The following SLC12A1 variants were observed in gnomAD, a reference collection of about 807,000 sequenced individuals.
SLC12A1 encodes the protein Na-K-2Cl cotransporter.
Under a neutral mutation model 130.4 loss-of-function variants are expected in SLC12A1, and 89 were observed. The observed-to-expected ratio is 0.68, with a 90% CI of 0.58 to 0.81. The LOEUF is 0.81. SLC12A1 is among the 40% of genes least tolerant of loss of function. The probability of loss-of-function intolerance (pLI) is 0.00; values close to 1 mark genes in which losing one functional copy is unlikely to be tolerated. For synonymous variants in SLC12A1, 499 were observed against 460.0 expected (o/e 1.08, Z -1.09); for missense variants, 1,310 against 1,336.4 (o/e 0.98, Z 0.31).
At chr15:48,234,492 C>CA (rs1418665673) in intron 8 of SLC12A1, among the ~76,000 whole-genome samples, 1 of 152,138 alleles carries the variant, frequency 6.6e-6, no homozygotes, top group Non-Finnish European at 1.5e-5. Context: ...CCTGTAATCC[C>CA]AGCCCTTTGG....
intron 2 of SLC12A1, among the ~76,000 whole-genome samples, chr15:48,215,170 A>G (rs1386537915): frequency 6.6e-6 from 1 of 152,180 alleles, no homozygotes; most frequent in Non-Finnish European, 1.5e-5. Flanking sequence ...CTATAAAGGT[A>G]TCTGATATGT....
chr15:48,255,113 C>A (rs1240626046), intron 15 of SLC12A1, among the ~76,000 whole-genome samples: 4 of 152,010 alleles, frequency 2.6e-5, no homozygotes, highest in Non-Finnish European at 2.9e-5. Context: ...TGCACACTAT[C>A]TGTGTATACA....
At chr15:48,282,819 A>T (rs2042021611) in intron 20 of SLC12A1, among the ~76,000 whole-genome samples, 1 of 152,116 alleles carries the variant, frequency 6.6e-6, no homozygotes, top group South Asian at 2.1e-4. Flanking sequence ...AAAGCATAGG[A>T]AGGTAATAAA....
At chr15:48,264,765 C>A (rs960855002) in intron 17 of SLC12A1, among the ~76,000 whole-genome samples, 15 of 152,142 alleles carry the variant, frequency 9.9e-5, no homozygotes, top group Non-Finnish European at 1.8e-4. Context: ...AGGAATACTG[C>A]ACTTGGTGAA....
chr15:48,223,013 G>A (rs2041235011), intron 4 of SLC12A1: 1 of 152,222 alleles, frequency 6.6e-6, no homozygotes, highest in African/African-American at 2.4e-5. Context: ...GGGCAAGATG[G>A]TTTCCAATAA....
chr15:48,260,492 C>T (rs1423395319), intron 17 of SLC12A1, among the ~76,000 whole-genome samples: 1 of 152,062 alleles, frequency 6.6e-6, no homozygotes, highest in Non-Finnish European at 1.5e-5. Flanking sequence ...TTATTGGAGC[C>T]ACACAATAGC....
chr15:48,270,357 A>C (rs1271057186), intron 19 of SLC12A1, among the ~76,000 whole-genome samples: 1 of 152,102 alleles, frequency 6.6e-6, no homozygotes, highest in Non-Finnish European at 1.5e-5. Context: ...GCTGCAGGCT[A>C]ATGTCTTTAA....
At chr15:48,249,505 G>A (rs2041623272) in intron 13 of SLC12A1, 70 bp from the exon 14 acceptor site, 1 of 1,125,434 alleles carries the variant, frequency 8.9e-7, no homozygotes, top group Non-Finnish European at 1.4e-6. Flanking sequence ...CAAGCTTCGA[G>A]GCTATAACAG....
intron 9 of SLC12A1, among the ~76,000 whole-genome samples, chr15:48,240,029 CCATATATATATATATATA>C (rs1324113917): frequency 1.5e-3 from 25 of 17,154 alleles, no homozygotes; most frequent in African/African-American, 3.3e-3. Flanking sequence ...ATATATATAT[CCATATATATATATATATA>C]TCCATATATA....
In SLC12A1 at chr15:48,255,866, T is replaced by C. The variant is rs200417237; in HGVS notation, c.1998T>C (p.Asn666=). ...QALSYVSALD[N]ALELTTVEDH... Reference sequence around the variant, plus strand: ...TTTCCTACGTGAGTGCTTTAGACAATGCTCTGGAATTAACCACAGTGGAAG... The same window carrying C: ...TTTCCTACGTGAGTGCTTTAGACAACGCTCTGGAATTAACCACAGTGGAAG... Residue 666 remains asparagine, a synonymous_variant, in exon 16 of 27, where the codon AAT becomes AAC. Transcript: ENST00000380993. The C allele has an allele frequency of 2.6e-4, 416 of 1,607,062 alleles. No homozygotes were observed. Among genetic ancestry groups the C allele is most frequent in the Middle Eastern group, 6.6e-4 (4 of 6,060 alleles).
chr15:48,266,569 A>G (rs1200056662), intron 17 of SLC12A1, among the ~76,000 whole-genome samples: 1 of 151,964 alleles, frequency 6.6e-6, no homozygotes. Context: ...AGCTTGTTAG[A>G]AATGCAAAAT....
chr15:48,300,163 C>T (rs2042217141), intron 25 of SLC12A1, among the ~76,000 whole-genome samples: 1 of 151,902 alleles, frequency 6.6e-6, no homozygotes, highest in African/African-American at 2.4e-5. Context: ...AAAACCCCAC[C>T]TCTACAAAAA....
chr15:48,223,980 A>G (rs1299201469), intron 4 of SLC12A1: 1 of 152,276 alleles, frequency 6.6e-6, no homozygotes, highest in African/African-American at 2.4e-5. Flanking sequence ...GCTTCAAAAG[A>G]ACCAGCCTTT....
intron 19 of SLC12A1, among the ~76,000 whole-genome samples, chr15:48,272,691 T>C (rs1294081652): frequency 6.6e-6 from 1 of 152,146 alleles, no homozygotes; most frequent in Non-Finnish European, 1.5e-5. Context: ...CCTCCCAGAG[T>C]GTTTGGATTA....
intron 5 of SLC12A1, chr15:48,227,972 G>C (rs1270968061): frequency 6.6e-6 from 1 of 152,164 alleles, no homozygotes; most frequent in Non-Finnish European, 1.5e-5. Flanking sequence ...CAGACAATAT[G>C]CTACATTTTT....
At chr15:48,271,179 T>C (rs1434887642) in intron 19 of SLC12A1, among the ~76,000 whole-genome samples, 1 of 151,956 alleles carries the variant, frequency 6.6e-6, no homozygotes, top group Non-Finnish European at 1.5e-5. Context: ...GCCACTGCAC[T>C]CCAGCCTGGG....
intron 17 of SLC12A1, among the ~76,000 whole-genome samples, chr15:48,263,920 T>C (rs920692555): frequency 1.3e-5 from 2 of 152,138 alleles, no homozygotes; most frequent in East Asian, 1.9e-4. Flanking sequence ...CTCCAACTCC[T>C]GGGCTCAAGC....
chr15:48,240,094 T>TATCC lies in SLC12A1; in HGVS notation c.1216-1419_1216-1418insCCAT, dbSNP rs1567317154. On this transcript the variant is annotated intron_variant, in intron 9 of 26. Coordinates refer to ENST00000380993, the MANE Select transcript of SLC12A1 (RefSeq NM_000338.3). ...ATCCATATATATATATATATATCCA[T>TATCC]ATATATATATATATATCCATATATA... Among the ~76,000 whole-genome samples, 22 of 78,714 alleles carry TATCC rather than the reference T, an allele frequency of 2.8e-4. 2 individuals are homozygous for TATCC. The East Asian group carries it at 5.4e-3, about 19-fold the overall frequency. 51.6% of individuals were successfully genotyped at this position (78,714 alleles called of 152,430 possible).
intron 2 of SLC12A1, among the ~76,000 whole-genome samples, chr15:48,210,665 G>A (rs370860878): frequency 1.4e-5 from 2 of 143,692 alleles, no homozygotes; most frequent in East Asian, 4.1e-4. Context: ...GACCAGCCAT[G>A]ACCAACTGGT....
Sources: allele counts gnomAD v4.1 joint callset (sites outside exome capture counted in the v4.1 genomes callset), GRCh38; gene constraint gnomAD v4.1.1; transcripts MANE v1.5; gene names NCBI Gene and HGNC (gene_info 2026-07-23, HGNC 2026-07-21).